Variants in MDGA2 observed in about 807,000 individuals in gnomAD.
MDGA2 encodes MAM domain containing glycosylphosphatidylinositol anchor 2, also known as MAM domain-containing glycosylphosphatidylinositol anchor protein 2.
MDGA2 carries 40 observed loss-of-function variants against 117.8 expected under a neutral mutation model. The ratio of observed to expected loss-of-function variants is 0.34; its 90% CI spans 0.26 to 0.44. The LOEUF (loss-of-function observed/expected upper bound fraction) is 0.44, where lower values mean the gene tolerates loss of function less well. Ranked by LOEUF, MDGA2 falls within the 20% of genes least tolerant of loss-of-function variation. The pLI, the probability that MDGA2 is intolerant of heterozygous loss-of-function variation, is 1.00. For missense variants in MDGA2, 1,123 were observed against 1,250.6 expected (o/e 0.90, Z 1.54); for synonymous variants, 452 against 439.0 (o/e 1.03, Z -0.37).
At chr14:47,484,749 A>G (rs1021457165) in intron 1 of MDGA2, among the ~76,000 whole-genome samples, 1 of 152,054 alleles carries the variant, frequency 6.6e-6, no homozygotes, top group Admixed American at 6.6e-5. Flanking sequence ...TGTTCTCCTA[A>G]TAGTGAATGG....
chr14:47,516,081 T>C (rs1894745194), intron 1 of MDGA2, among the ~76,000 whole-genome samples: 1 of 152,162 alleles, frequency 6.6e-6, no homozygotes, highest in South Asian at 2.1e-4. Context: ...GTACATTTTC[T>C]TAGGCACAAA....
At chr14:47,432,889 G>T (rs1037770359) in intron 1 of MDGA2, among the ~76,000 whole-genome samples, 12 of 151,932 alleles carry the variant, frequency 7.9e-5, no homozygotes, top group Admixed American at 5.9e-4. Flanking sequence ...TTTAGAAGTT[G>T]GTAGCATATC....
At position 47,015,954 on chromosome 14, in the gene MDGA2, T is replaced by C. The variant is rs528794246; in HGVS notation, c.1819+19057A>G. Among the ~76,000 whole-genome samples the C allele has an allele frequency of 9.2e-5, 14 of 152,128 alleles. No homozygotes were observed. The South Asian group carries it at 2.3e-3, about 25-fold the overall frequency. Reference sequence around the variant, plus strand: ...AAGCAAAAGGTAAACCATTTGGAAGTAGTTACCCAGACTAACCATTAAGGT... The same window carrying C: ...AAGCAAAAGGTAAACCATTTGGAAGCAGTTACCCAGACTAACCATTAAGGT... On this transcript the variant is annotated intron_variant, in intron 8 of 16. Coordinates refer to ENST00000399232, the MANE Select transcript of MDGA2 (RefSeq NM_001113498.3).
At chr14:47,055,731 T>A (rs1444936494) in intron 7 of MDGA2, among the ~76,000 whole-genome samples, 2 of 152,130 alleles carry the variant, frequency 1.3e-5, no homozygotes, top group African/African-American at 4.8e-5. Context: ...GGCTACCACC[T>A]GTTTTTGTAA....
At chr14:47,323,426 G>C (rs1313077830) in intron 1 of MDGA2, among the ~76,000 whole-genome samples, 3 of 151,566 alleles carry the variant, frequency 2.0e-5, no homozygotes, top group Non-Finnish European at 2.9e-5. Flanking sequence ...AGGAGTTCGA[G>C]ACTAGCCTGG....
intron 1 of MDGA2, among the ~76,000 whole-genome samples, chr14:47,604,842 C>G (rs186507117): frequency 6.6e-6 from 1 of 152,286 alleles, no homozygotes; most frequent in East Asian, 1.9e-4. Flanking sequence ...GAAGCCTGCT[C>G]TGGCTTTCTT....
intron 3 of MDGA2, among the ~76,000 whole-genome samples, chr14:47,164,000 G>C (rs1371691203): frequency 1.3e-5 from 2 of 152,182 alleles, no homozygotes; most frequent in Admixed American, 1.3e-4. Context: ...CTAGCTCACA[G>C]ACTGTTTTCC....
At chr14:47,434,431 G>C (rs1336749561) in intron 1 of MDGA2, among the ~76,000 whole-genome samples, 3 of 152,030 alleles carry the variant, frequency 2.0e-5, no homozygotes, top group Non-Finnish European at 4.4e-5. Flanking sequence ...TTTGTCTTTT[G>C]AGTTCATAGC....
At chr14:47,007,186 A>G (rs1325075354) in intron 8 of MDGA2, among the ~76,000 whole-genome samples, 1 of 151,874 alleles carries the variant, frequency 6.6e-6, no homozygotes, top group East Asian at 1.9e-4. Flanking sequence ...AGATTTTTAG[A>G]GAAATGATGG....
In MDGA2 at chr14:47,064,003, A is replaced by C. The variant is rs536350584; in HGVS notation, c.1196-2425T>G. 1.8e-3 allele frequency among the ~76,000 whole-genome samples: 277 copies of C among 152,144 alleles called. 2 individuals carry two copies. Among genetic ancestry groups the C allele is most frequent in the African/African-American group, 6.2e-3 (259 of 41,568 alleles). Reference sequence around the variant, plus strand: ...TTAGATTTAAAATACTAAACAACTCAAAAAATACTGATAAAAATATGAAAT... The same window carrying C: ...TTAGATTTAAAATACTAAACAACTCCAAAAATACTGATAAAAATATGAAAT... On this transcript the variant is annotated intron_variant, in intron 6 of 16. Transcript: ENST00000399232.
chr14:47,053,742 G>A (rs1889559638), intron 7 of MDGA2, among the ~76,000 whole-genome samples: 1 of 150,088 alleles, frequency 6.7e-6, no homozygotes, highest in Non-Finnish European at 1.5e-5. Flanking sequence ...TTACACAGAA[G>A]TCCTATGTAT....
chr14:47,191,864 AC>A (rs1885124755), intron 3 of MDGA2, among the ~76,000 whole-genome samples: 1 of 150,008 alleles, frequency 6.7e-6, no homozygotes, highest in South Asian at 2.1e-4. Flanking sequence ...CATGATGAGC[AC>A]ATAGGGAGGG....
intron 9 of MDGA2, among the ~76,000 whole-genome samples, chr14:46,934,453 C>T (rs1172804350): frequency 6.6e-6 from 1 of 152,104 alleles, no homozygotes; most frequent in Admixed American, 6.6e-5. Context: ...GTCAAATACA[C>T]AGAGGCATAT....
chr14:46,858,839 T>C (rs147884958), intron 14 of MDGA2, among the ~76,000 whole-genome samples: 4 of 152,324 alleles, frequency 2.6e-5, no homozygotes, highest in African/African-American at 9.6e-5. Context: ...ATATTCTATT[T>C]ATTTGGATAT....
chr14:47,400,968 A>G (rs1892133296), intron 1 of MDGA2, among the ~76,000 whole-genome samples: 1 of 151,238 alleles, frequency 6.6e-6, no homozygotes, highest in South Asian at 2.1e-4. Flanking sequence ...CGTGTTAGCC[A>G]GGATGGTCTT....
At chr14:47,450,513 C>T (rs1893219593) in intron 1 of MDGA2, among the ~76,000 whole-genome samples, 1 of 151,952 alleles carries the variant, frequency 6.6e-6, no homozygotes, top group Admixed American at 6.6e-5. Flanking sequence ...AAGAGATTCT[C>T]CAAATGAAAT....
chr14:47,316,247 T>C (rs956690322), intron 1 of MDGA2, among the ~76,000 whole-genome samples: 4 of 152,126 alleles, frequency 2.6e-5, no homozygotes, highest in Admixed American at 2.6e-4. Flanking sequence ...AATCTCCATG[T>C]ATGGAGCAAA....
intron 10 of MDGA2, among the ~76,000 whole-genome samples, chr14:46,887,556 A>G (rs1484026401): frequency 6.6e-6 from 1 of 152,016 alleles, no homozygotes; most frequent in East Asian, 1.9e-4. Context: ...AGTACGGCAG[A>G]AAATCAAAGT....
At chr14:46,912,855 T>TA (rs895850660) in intron 10 of MDGA2, among the ~76,000 whole-genome samples, 2 of 152,202 alleles carry the variant, frequency 1.3e-5, no homozygotes, top group African/African-American at 4.8e-5. Context: ...AAACACATTG[T>TA]AAAATTAGTT....
Sources: gnomAD v4.1 joint callset for allele counts (sites outside exome capture counted in the v4.1 genomes callset) on GRCh38, gnomAD v4.1.1 for gene constraint, MANE v1.5 for transcripts, NCBI Gene and HGNC (gene_info 2026-07-23, HGNC 2026-07-21) for gene names.